Variants in SORCS3 observed in about 807,000 individuals in gnomAD.
SORCS3 encodes the protein sortilin related VPS10 domain containing receptor 3.
In SORCS3, 57 loss-of-function variants were observed where a neutral mutation model predicts 146.3. The ratio of observed to expected loss-of-function variants is 0.39; its 90% CI spans 0.31 to 0.49. SORCS3 has a LOEUF of 0.49. Among genes scored for constraint, SORCS3 ranks in the 20% least tolerant of loss-of-function variants. The probability of loss-of-function intolerance (pLI) is 0.92; values close to 1 mark genes in which losing one functional copy is unlikely to be tolerated. For synonymous variants in SORCS3, 653 were observed against 618.5 expected (o/e 1.06, Z -0.83); for missense variants, 1,341 against 1,575.5 (o/e 0.85, Z 2.52).
At chr10:104,890,837 T>C (rs1164303283) in intron 2 of SORCS3, among the ~76,000 whole-genome samples, 2 of 152,222 alleles carry the variant, frequency 1.3e-5, no homozygotes, top group African/African-American at 4.8e-5. Context: ...TAAACATTTC[T>C]CCAGATATTG....
intron 4 of SORCS3, among the ~76,000 whole-genome samples, chr10:105,039,303 T>C (rs2055324334): frequency 6.6e-6 from 1 of 152,138 alleles, no homozygotes; most frequent in Non-Finnish European, 1.5e-5. Context: ...CTCTTTCTGT[T>C]CATCTCAATC....
At chr10:105,214,728 C>G in intron 18 of SORCS3, 115 bp downstream of exon 18, 4 of 981,242 alleles carry the variant, frequency 4.1e-6, no homozygotes, top group Non-Finnish European at 5.8e-6. Flanking sequence ...TGGTGAGAAG[C>G]TGAAATTTCT....
At chr10:104,796,201 C>G (rs146342865) in intron 1 of SORCS3, among the ~76,000 whole-genome samples, 4 of 152,192 alleles carry the variant, frequency 2.6e-5, no homozygotes, top group African/African-American at 7.2e-5. Context: ...ATAGTTTGTT[C>G]CGGATTTGTG....
chr10:105,103,024 G>A (rs1046131228), intron 6 of SORCS3, among the ~76,000 whole-genome samples: 1 of 151,754 alleles, frequency 6.6e-6, no homozygotes, highest in Non-Finnish European at 1.5e-5. Flanking sequence ...TCCTGACCTC[G>A]TGATCCACCC....
At chr10:104,690,909 A>G (rs905773432) in intron 1 of SORCS3, among the ~76,000 whole-genome samples, 2 of 152,134 alleles carry the variant, frequency 1.3e-5, no homozygotes, top group African/African-American at 2.4e-5. Flanking sequence ...CAGATTTTAC[A>G]AAGCTGTTTC....
chr10:104,906,425 C>G (rs1005070828), intron 2 of SORCS3, among the ~76,000 whole-genome samples: 4 of 152,216 alleles, frequency 2.6e-5, no homozygotes, highest in Admixed American at 2.6e-4. Flanking sequence ...AGCTATAACA[C>G]AGCTGCTGTT....
At chr10:104,691,613 T>G (rs1454162968) in intron 1 of SORCS3, among the ~76,000 whole-genome samples, 1 of 152,246 alleles carries the variant, frequency 6.6e-6, no homozygotes, top group East Asian at 1.9e-4. Flanking sequence ...ACTCAAGACA[T>G]GGAGCAGATG....
At chr10:105,149,281 T>A (rs1407403907) in intron 9 of SORCS3, among the ~76,000 whole-genome samples, 1 of 152,084 alleles carries the variant, frequency 6.6e-6, no homozygotes, top group East Asian at 1.9e-4. Flanking sequence ...ATGGGGCAAA[T>A]GAATGTACAT....
intron 1 of SORCS3, among the ~76,000 whole-genome samples, chr10:104,704,999 C>G (rs546795153): frequency 6.6e-6 from 1 of 152,148 alleles, no homozygotes; most frequent in Non-Finnish European, 1.5e-5. Flanking sequence ...CACCTTAACC[C>G]CCTCTTCCCT....
At chr10:104,932,128 A>G (rs1435893193) in intron 3 of SORCS3, among the ~76,000 whole-genome samples, 2 of 152,188 alleles carry the variant, frequency 1.3e-5, no homozygotes, top group Admixed American at 6.5e-5. Context: ...CTATAGCTCA[A>G]AGGAGATCAG....
intron 1 of SORCS3, among the ~76,000 whole-genome samples, chr10:104,658,226 C>T (rs1486790320): frequency 6.6e-6 from 1 of 152,008 alleles, no homozygotes; most frequent in Non-Finnish European, 1.5e-5. Context: ...TTTGCAGTGG[C>T]AGATTGAGGG....
intron 1 of SORCS3, among the ~76,000 whole-genome samples, chr10:104,716,179 C>T (rs191642806): frequency 1.7e-4 from 26 of 152,266 alleles, no homozygotes; most frequent in African/African-American, 6.3e-4. Context: ...TTTTCACTGT[C>T]GGACAGGTAA....
At chr10:105,144,574 G>A (rs574476879) in intron 8 of SORCS3, among the ~76,000 whole-genome samples, 2 of 152,212 alleles carry the variant, frequency 1.3e-5, no homozygotes, top group South Asian at 2.1e-4. Flanking sequence ...TCTTGGCAGG[G>A]CAGACATGGA....
intron 3 of SORCS3, among the ~76,000 whole-genome samples, chr10:104,927,380 A>G (rs1238191091): frequency 6.6e-6 from 1 of 152,224 alleles, no homozygotes; most frequent in Non-Finnish European, 1.5e-5. Flanking sequence ...AGCCAAGGAC[A>G]CACAGTAATT....
At chr10:104,821,269 G>A (rs545515515) in intron 1 of SORCS3, among the ~76,000 whole-genome samples, 131 of 152,268 alleles carry the variant, frequency 8.6e-4, no homozygotes, top group African/African-American at 2.9e-3. Context: ...TAAGCATGTG[G>A]AATGGGAGAT....
At chr10:104,932,562 C>T (rs1057012040) in intron 3 of SORCS3, among the ~76,000 whole-genome samples, 6 of 152,336 alleles carry the variant, frequency 3.9e-5, no homozygotes, top group Admixed American at 6.5e-5. Context: ...CACAGGAGAA[C>T]ATCTACCTCA....
chr10:105,216,565 C>T (rs540729027), intron 18 of SORCS3, among the ~76,000 whole-genome samples: 2 of 152,228 alleles, frequency 1.3e-5, no homozygotes, highest in East Asian at 1.9e-4. Flanking sequence ...ACCTCGGTAA[C>T]TATTAGCTGC....
chr10:104,707,361 T>G (rs572357635), intron 1 of SORCS3, among the ~76,000 whole-genome samples: 2 of 152,310 alleles, frequency 1.3e-5, no homozygotes, highest in Non-Finnish European at 2.9e-5. Context: ...TACTTAAAAA[T>G]GTGATATTCT....
intron 5 of SORCS3, among the ~76,000 whole-genome samples, chr10:105,057,059 A>G (rs1191081338): frequency 6.6e-6 from 1 of 152,204 alleles, no homozygotes; most frequent in Non-Finnish European, 1.5e-5. Context: ...CTAAAGAGTT[A>G]TAGAAAAGTT....
Sources: gnomAD v4.1 joint callset for allele counts (sites outside exome capture counted in the v4.1 genomes callset) on GRCh38, gnomAD v4.1.1 for gene constraint, MANE v1.5 for transcripts, NCBI Gene and HGNC (gene_info 2026-07-23, HGNC 2026-07-21) for gene names.